MCU: variants seen among roughly 807,000 people sequenced by gnomAD.
MCU encodes mitochondrial calcium uniporter.
Under a neutral mutation model 45.2 loss-of-function variants are expected in MCU, and 12 were observed. That is an observed-to-expected ratio of 0.27 (90% confidence interval 0.17 to 0.43). MCU has a LOEUF of 0.43. MCU is among the 20% of genes least tolerant of loss of function. The pLI is 1.00. For synonymous variants in MCU, 160 were observed against 165.1 expected (o/e 0.97, Z 0.24); for missense variants, 324 against 436.7 (o/e 0.74, Z 2.30).
intron 1 of MCU, among the ~76,000 whole-genome samples, chr10:72,696,622 G>T (rs1425274457): frequency 2.0e-5 from 3 of 152,022 alleles, no homozygotes; most frequent in African/African-American, 7.3e-5. Context: ...TTTTATTTGT[G>T]GGCATCTAAT....
chr10:72,871,932 G>A (rs61276306), intron 6 of MCU, among the ~76,000 whole-genome samples: 8,943 of 152,256 alleles, frequency 0.059, 885 homozygotes, highest in African/African-American at 0.2. Flanking sequence ...GGCTTTTTAA[G>A]TACTGTGGGA....
intron 1 of MCU, among the ~76,000 whole-genome samples, chr10:72,788,879 GTTTGTTGGAATAAACCTCACA>G (rs1407884650): frequency 7.9e-5 from 12 of 152,172 alleles, no homozygotes; most frequent in Non-Finnish European, 1.2e-4. Flanking sequence ...GAACCAGGTG[GTTTGTTGGAATAAACCTCACA>G]TTTGCTGAGG....
intron 1 of MCU, among the ~76,000 whole-genome samples, chr10:72,714,349 T>C (rs2132664610): frequency 8.4e-6 from 1 of 119,586 alleles, no homozygotes; most frequent in Non-Finnish European, 1.9e-5. Flanking sequence ...CCTGGTCTTT[T>C]TTTTTTTTTT....
intron 1 of MCU, among the ~76,000 whole-genome samples, chr10:72,737,663 G>T (rs1338511150): frequency 6.6e-6 from 1 of 151,962 alleles, no homozygotes; most frequent in African/African-American, 2.4e-5. Flanking sequence ...GGGACTGCAG[G>T]TGCGCACCAC....
intron 4 of MCU, among the ~76,000 whole-genome samples, chr10:72,866,589 GT>G (rs1481271516): frequency 6.6e-6 from 1 of 152,062 alleles, no homozygotes; most frequent in East Asian, 1.9e-4. Context: ...TAGAGTTGGG[GT>G]TTCATCATGT....
At chr10:72,726,661 C>A (rs1843106060) in intron 1 of MCU, among the ~76,000 whole-genome samples, 1 of 151,978 alleles carries the variant, frequency 6.6e-6, no homozygotes, top group African/African-American at 2.4e-5. Flanking sequence ...TATTCCTAAT[C>A]TAAAAAAAAT....
At chr10:72,860,040 A>G (rs767287115) in intron 3 of MCU, 6 of 173,652 alleles carry the variant, frequency 3.5e-5, no homozygotes, top group Non-Finnish European at 7.4e-5. Context: ...ATTATTGGCA[A>G]CTAATCAGTG....
intron 1 of MCU, among the ~76,000 whole-genome samples, chr10:72,767,640 G>A (rs1240571712): frequency 6.6e-6 from 1 of 151,924 alleles, no homozygotes; most frequent in African/African-American, 2.4e-5. Flanking sequence ...AATTCTTTGC[G>A]CCTGACCCAT....
At chr10:72,693,447 T>C (rs1220169898) in intron 1 of MCU, among the ~76,000 whole-genome samples, 1 of 152,156 alleles carries the variant, frequency 6.6e-6, no homozygotes, top group Non-Finnish European at 1.5e-5. Context: ...CAATAGTACC[T>C]TCAACCCTCA....
chr10:72,765,786 C>CAA (rs36071651), intron 1 of MCU, among the ~76,000 whole-genome samples: 104 of 62,508 alleles, frequency 1.7e-3, no homozygotes, highest in Middle Eastern at 7.8e-3. Context: ...GACGCTGTCT[C>CAA]AAAAAAAAAA....
At chr10:72,732,397 C>T (rs1228527302) in intron 1 of MCU, among the ~76,000 whole-genome samples, 1 of 151,984 alleles carries the variant, frequency 6.6e-6, no homozygotes, top group Admixed American at 6.6e-5. Context: ...AGTTTTGTGC[C>T]CTTTTCAGTG....
At chr10:72,819,820 T>C (rs1248732658) in intron 1 of MCU, among the ~76,000 whole-genome samples, 1 of 151,154 alleles carries the variant, frequency 6.6e-6, no homozygotes, top group Admixed American at 6.6e-5. Flanking sequence ...ATGGACATTC[T>C]TCTACATAAT....
chr10:72,770,580 A>C (rs6480641), intron 1 of MCU, among the ~76,000 whole-genome samples: 6,390 of 152,130 alleles, frequency 0.042, 436 homozygotes, highest in African/African-American at 0.14. Context: ...CACCTTTTAA[A>C]GACACCAAGA....
chr10:72,859,397 C>A, intron 3 of MCU, 50 bp downstream of exon 3: 1 of 1,524,166 alleles, frequency 6.6e-7, no homozygotes, highest in Non-Finnish European at 9.0e-7. Context: ...TTTCACCCCA[C>A]ACCATTTCTA....
chr10:72,878,551 A>C (rs1047737816), intron 6 of MCU, among the ~76,000 whole-genome samples: 2 of 152,242 alleles, frequency 1.3e-5, no homozygotes, highest in African/African-American at 4.8e-5. Context: ...CTTTAAAATA[A>C]TTATACTTAC....
chr10:72,743,159 G>A (rs1368328950), intron 1 of MCU, among the ~76,000 whole-genome samples: 8 of 151,612 alleles, frequency 5.3e-5, no homozygotes, highest in African/African-American at 1.9e-4. Context: ...CTGTAATCCC[G>A]GCACTTTGGG....
chr10:72,829,274 G>T (rs937525743), intron 1 of MCU, among the ~76,000 whole-genome samples: 8 of 144,366 alleles, frequency 5.5e-5, no homozygotes, highest in Non-Finnish European at 6.0e-5. Context: ...AGTGAGCCAA[G>T]ATTGTGCTAC....
At chr10:72,692,721 C>T (rs1190897656) in intron 1 of MCU, 8 of 1,262,696 alleles carry the variant, frequency 6.3e-6, no homozygotes, top group Middle Eastern at 3.0e-4. Context: ...TCTGAGTTGC[C>T]GCGGCCGCCT....
chr10:72,871,366 G>A lies in MCU; in HGVS notation c.658-11G>A, dbSNP rs1338572092. 1.2e-6 allele frequency: 2 copies of A among 1,613,398 alleles called. No individual in the cohort carries two copies. The highest frequency in any genetic ancestry group is 2.2e-5 in the East Asian group (1 of 44,874). The stretch of plus-strand genomic sequence containing the variant: ...ATGTCAAAATGCCTTATGATTATGT[G>A]TGCCCAATAGGTACGAATTGAGATT... On this transcript the variant is annotated splice_polypyrimidine_tract_variant and intron_variant, in intron 5 of 7. Transcript: ENST00000373053.
Sources: allele counts gnomAD v4.1 joint callset (sites outside exome capture counted in the v4.1 genomes callset), GRCh38; gene constraint gnomAD v4.1.1; transcripts MANE v1.5; gene names NCBI Gene and HGNC (gene_info 2026-07-23, HGNC 2026-07-21).